MAN2C1: variants seen among roughly 807,000 people sequenced by gnomAD.
MAN2C1 encodes the protein mannosidase alpha class 2C member 1.
In MAN2C1, 111 loss-of-function variants were observed where a neutral mutation model predicts 126.9. That is an observed-to-expected ratio of 0.87 (90% CI 0.75 to 1.02). The LOEUF is 1.02. MAN2C1 is among the 50% of genes least tolerant of loss of function. The pLI, the probability that MAN2C1 is intolerant of heterozygous loss-of-function variation, is 0.00. For missense variants in MAN2C1, 1,363 were observed against 1,364.4 expected, an observed-to-expected ratio of 1.00 and a Z score of 0.02; for synonymous variants, 567 against 561.5, an observed-to-expected ratio of 1.01 and a Z score of -0.14.
rs555294519 is a variant in MAN2C1, at chr15:75,368,317, T to C, written c.102-119A>G. On this transcript the variant is annotated intron_variant, in intron 1 of 25. Coordinates refer to ENST00000267978, the MANE Select transcript of MAN2C1 (RefSeq NM_006715.4). The stretch of plus-strand genomic sequence containing the variant: ...TCCGCCAAGAGGGCTGCCTGGCCGC[T>C]CCGCGGCACAGTCCATTCCCTACCC... 58 of 1,474,484 alleles carry C rather than the reference T, an allele frequency of 3.9e-5. No individual in the cohort carries two copies. The African/African-American group carries it at 6.6e-4, about 17-fold the overall frequency. 91.3% of individuals were successfully genotyped at this position (1,474,484 alleles called of 1,614,324 possible).
chr15:75,367,897 G>T (rs1207501601), intron 2 of MAN2C1, 176 bp downstream of exon 2: 21 of 995,060 alleles, frequency 2.1e-5, no homozygotes, highest in Non-Finnish European at 2.9e-5. Context: ...ACCATCCCCT[G>T]AAGACCCAGG....
Position 75,362,904 on chromosome 15 carries a change from C to A in MAN2C1, c.791-156G>T, listed in dbSNP as rs2072504018. The A allele has an allele frequency of 3.1e-6, 2 of 635,976 alleles. No homozygotes were observed. The highest frequency in any genetic ancestry group is 2.7e-5 in the Admixed American group (1 of 37,664). The allele number at this position is 635,976 out of a possible 1,614,324, so 39.4% of individuals were successfully genotyped here. A position where few individuals can be genotyped will look rare whatever the true frequency, so the allele number is the denominator to read the frequency against. On this transcript the variant is annotated intron_variant, in intron 6 of 25. Coordinates refer to ENST00000267978, the MANE Select transcript of MAN2C1 (RefSeq NM_006715.4). This position sits in a 1 kb window ranked among gnomAD's most constrained non-coding sequence, Gnocchi z 4.5. ...CCTAAGTGGTCACTTCACTTCACTC[C>A]AGCGAGGTGGGAGGAGGGGCTGGGG...
chr15:75,357,547 T>TCCGC (rs1053145446), intron 21 of MAN2C1, among the ~76,000 whole-genome samples: 8 of 151,938 alleles, frequency 5.3e-5, no homozygotes, highest in Admixed American at 6.6e-5. Context: ...GACCTCGTGA[T>TCCGC]CCGCCCACCT....
chr15:75,361,785 G>A lies in MAN2C1; in HGVS notation c.1102-65C>T. On this transcript the variant is annotated intron_variant, in intron 9 of 25. Coordinates refer to ENST00000267978, the MANE Select transcript of MAN2C1 (RefSeq NM_006715.4). This position sits in a 1 kb window ranked among gnomAD's most constrained non-coding sequence, Gnocchi z 5.0. The stretch of plus-strand genomic sequence containing the variant: ...TCCAGGCGGACTCACCCCAGCCTCA[G>A]CCCCTCAGCACTCCAAGTCGAGCGC... 1 of 1,589,444 alleles carries A rather than the reference G, an allele frequency of 6.3e-7. No homozygotes were observed.
rs778503783 is a variant in MAN2C1, at chr15:75,367,643, G to C, written c.228-9C>G. ...ACCAGCAGGTCCACCATCTGCAAGA[G>C]AGCTGTTGTGATAGGCCTAGAGGTA... On this transcript the variant is annotated splice_polypyrimidine_tract_variant and intron_variant, in intron 2 of 25. Transcript: ENST00000267978. The C allele has an allele frequency of 6.2e-7, 1 of 1,614,126 alleles. No homozygotes were observed. Among genetic ancestry groups the C allele is most frequent in the South Asian group, 1.1e-5 (1 of 91,076 alleles).
rs1595872693 is a variant in MAN2C1, at chr15:75,356,259, G to A, written c.2887-40C>T. The stretch of plus-strand genomic sequence containing the variant: ...GTCTGGTGGGAGGGGCCGAGGGCAG[G>A]CCCAGTTCGGAACCCCGTCCCCAGC... On this transcript the variant is annotated intron_variant, in intron 24 of 25. Transcript: ENST00000267978. The surrounding 1 kb of genome is among the most constrained non-coding windows in gnomAD (Gnocchi z 5.8). 3 of 1,612,058 alleles carry A rather than the reference G, an allele frequency of 1.9e-6. No individual in the cohort carries two copies. Among genetic ancestry groups the A allele is most frequent in the East Asian group, 4.5e-5 (2 of 44,824 alleles).
chr15:75,359,421 C>T lies in MAN2C1; in HGVS notation c.1953G>A (p.Leu651=), dbSNP rs139369345. The T allele has an allele frequency of 1.3e-4, 213 of 1,610,614 alleles. No individual in the cohort carries two copies. Among genetic ancestry groups the T allele is most frequent in the Non-Finnish European group, 1.7e-4 (206 of 1,179,340 alleles). ...PKPGGAHSLA[L]VTVPSMGYAP... is the part of the protein sequence containing the mutation. The stretch of plus-strand genomic sequence containing the variant: ...CATAGCCCATGCTGGGCACTGTCAC[C>T]AGGGCTGGGGGTGAGGCCTGGGCAT... Residue 651 remains leucine (L), a synonymous_variant, in exon 17 of 26, where the codon CTG becomes CTA. Coordinates refer to ENST00000267978, the MANE Select transcript of MAN2C1 (RefSeq NM_006715.4).
At chr15:75,364,697 G>C (rs1286982387) in intron 4 of MAN2C1, 32 bp from the exon 5 acceptor site, 1 of 1,581,584 alleles carries the variant, frequency 6.3e-7, no homozygotes, top group Non-Finnish European at 8.6e-7. Flanking sequence ...CTCAGGCTAA[G>C]GGACTGGCAC....
chr15:75,367,453 T>G, intron 3 of MAN2C1, 58 bp downstream of exon 3: 2 of 1,592,820 alleles, frequency 1.3e-6, no homozygotes, highest in Non-Finnish European at 1.7e-6. Context: ...GAAGAAGGGC[T>G]GTAGTCATTT....
At position 75,360,640 on chromosome 15, in the gene MAN2C1, G is replaced by A. The variant is rs962517276; in HGVS notation, c.1509C>T (p.Asp503=). ...PRQLFSALES[D]SEQLCTWVGE... The stretch of plus-strand genomic sequence containing the variant: ...CAACCCACGTGCACAGCTGCTCTGA[G>A]TCACTCTCCAGTGCTGAGAAGAGCT... The change falls in exon 13 of 26, where the codon GAC becomes GAT. Residue 503 remains aspartate, a synonymous_variant. Coordinates refer to ENST00000267978, the MANE Select transcript of MAN2C1 (RefSeq NM_006715.4). The A allele has an allele frequency of 6.2e-7, 1 of 1,613,906 alleles. No homozygotes were observed. Among genetic ancestry groups the A allele is most frequent in the Non-Finnish European group, 8.5e-7 (1 of 1,180,000 alleles).
At chr15:75,368,285 T>G (rs1314842534) in intron 1 of MAN2C1, 87 bp from the exon 2 acceptor site, 6 of 1,517,318 alleles carry the variant, frequency 4.0e-6, no homozygotes, top group Non-Finnish European at 5.3e-6. Flanking sequence ...GCACTTTCCC[T>G]GGATCCTCCG....
Position 75,368,179 on chromosome 15 carries a change from G to T in MAN2C1, c.121C>A (p.Pro41Thr). The change falls in exon 2 of 26, where the codon CCT (proline) becomes ACT (threonine). Residue 41 changes from proline to threonine, a missense_variant. Around this residue, in one of 3 missense-constraint regions of MAN2C1, gnomAD observed 628 missense variants for 609.8 expected, o/e 1.03. Coordinates refer to ENST00000267978, the MANE Select transcript of MAN2C1 (RefSeq NM_006715.4). Reference sequence around the variant, plus strand: ...AGGAAGCTGGAGAGCACAGCCACAGGGCAGCTGGCCCCAAAAAGCCTGCGT... The same window carrying T: ...AGGAAGCTGGAGAGCACAGCCACAGTGCAGCTGGCCCCAAAAAGCCTGCGT... ...LRGRLFGASC[P>T]VAVLSSFLTP... 6.2e-7 allele frequency: 1 copy of T among 1,604,782 alleles called. No individual in the cohort carries two copies. Among genetic ancestry groups the T allele is most frequent in the Non-Finnish European group, 8.5e-7 (1 of 1,177,426 alleles).
chr15:75,365,055 C>T (rs904030848), intron 4 of MAN2C1, among the ~76,000 whole-genome samples: 17 of 152,186 alleles, frequency 1.1e-4, no homozygotes, highest in Admixed American at 4.6e-4. Flanking sequence ...CCAACATGGG[C>T]GGGCCATTCA....
chr15:75,368,095 C>G lies in MAN2C1; in HGVS notation c.205G>C (p.Val69Leu). Residue 69 changes from valine to leucine, a missense_variant, in exon 2 of 26, where the codon GTC becomes CTC. Val to Leu is a conservative substitution (Grantham distance 32). This residue lies in a region of MAN2C1 where 628 missense variants were observed against 609.8 expected (regional missense o/e 1.03). Coordinates refer to ENST00000267978, the MANE Select transcript of MAN2C1 (RefSeq NM_006715.4). ...AVQRDFRPAQ[V>L]GDSFGPTWWT... ...TACGTGGGTCCGAAGCTGTCGCCGA[C>G]CTGCGCGGGGCGGAAGTCCCGCTGG... The G allele has an allele frequency of 1.2e-6, 2 of 1,607,842 alleles. No individual in the cohort carries two copies. Among genetic ancestry groups the G allele is most frequent in the Non-Finnish European group, 1.7e-6 (2 of 1,178,038 alleles).
Position 75,362,101 on chromosome 15 carries a change from T to A in MAN2C1, c.1009-154A>T, listed in dbSNP as rs1345071456. ...AGGAAGGGCCCCTGTCCTTCAGGCCTGACTGTCCATCTGCCTGAGGGGGTG... is the reference window on the plus strand; with the variant it reads ...AGGAAGGGCCCCTGTCCTTCAGGCCAGACTGTCCATCTGCCTGAGGGGGTG... On this transcript the variant is annotated intron_variant, in intron 8 of 25. Transcript: ENST00000267978. This position sits in a 1 kb window ranked among gnomAD's most constrained non-coding sequence, Gnocchi z 4.5. 2.9e-6 allele frequency: 2 copies of A among 683,504 alleles called. No homozygotes were observed. The highest frequency in any genetic ancestry group is 3.6e-5 in the African/African-American group (2 of 56,024). 42.3% of individuals were successfully genotyped at this position (683,504 alleles called of 1,614,324 possible).
At chr15:75,364,977 G>C (rs1357788603) in intron 4 of MAN2C1, among the ~76,000 whole-genome samples, 1 of 152,190 alleles carries the variant, frequency 6.6e-6, no homozygotes, top group Non-Finnish European at 1.5e-5. Flanking sequence ...AACCCTCTTT[G>C]CATATTAAAA....
intron 3 of MAN2C1, 93 bp from the exon 4 acceptor site, chr15:75,366,685 G>A (rs1412303324): frequency 2.2e-6 from 2 of 916,174 alleles, no homozygotes; most frequent in Non-Finnish European, 3.3e-6. Flanking sequence ...CCTCCATCTG[G>A]TTCCCAGCTC....
rs368112790 is a variant in MAN2C1 at position 75,356,703 on chromosome 15, C to A, written c.2658-18G>T. 2 of 1,607,942 alleles carry A rather than the reference C, an allele frequency of 1.2e-6. No homozygotes were observed. Among genetic ancestry groups the A allele is most frequent in the South Asian group, 2.2e-5 (2 of 90,406 alleles). On this transcript the variant is annotated intron_variant, in intron 22 of 25. Coordinates refer to ENST00000267978, the MANE Select transcript of MAN2C1 (RefSeq NM_006715.4). This position sits in a 1 kb window ranked among gnomAD's most constrained non-coding sequence, Gnocchi z 5.8. ...CCCGCAAGCTGGGGTGAGGAGGGCG[C>A]GTAGGGGCCACGCTGAAGCTGTTGG... is the stretch of plus-strand genomic sequence containing the variant.
chr15:75,359,991 G>A lies in MAN2C1; in HGVS notation c.1707-3C>T. 1 of 1,614,130 alleles carries A rather than the reference G, an allele frequency of 6.2e-7. No individual in the cohort carries two copies. Among genetic ancestry groups the A allele is most frequent in the Non-Finnish European group, 8.5e-7 (1 of 1,179,988 alleles). ...GGAACTGGTTCAGAAGAAGGAGCCT[G>A]CAGGGGCCAAGGGCAGGGATGGGAA... On this transcript the variant is annotated splice_polypyrimidine_tract_variant and splice_region_variant and intron_variant, in intron 14 of 25. Coordinates refer to ENST00000267978, the MANE Select transcript of MAN2C1 (RefSeq NM_006715.4).
Sources: allele counts gnomAD v4.1 joint callset (sites outside exome capture counted in the v4.1 genomes callset), GRCh38; gene constraint gnomAD v4.1.1; regional missense constraint gnomAD v4.1.1; non-coding constraint Gnocchi (gnomAD v3.1); transcripts MANE v1.5; gene names NCBI Gene and HGNC (gene_info 2026-07-23, HGNC 2026-07-21).